The following PRKACA variants were observed in gnomAD, a reference collection of about 807,000 sequenced individuals.
PRKACA encodes the protein cAMP-dependent protein kinase catalytic subunit alpha.
A neutral mutation model predicts 45.8 loss-of-function variants in PRKACA; 9 were observed. The ratio of observed to expected loss-of-function variants is 0.20; its 90% CI spans 0.12 to 0.34. PRKACA has a LOEUF of 0.34. Among genes scored for constraint, PRKACA ranks in the 10% least tolerant of loss-of-function variants. The probability of loss-of-function intolerance (pLI) is 1.00; values close to 1 mark genes in which losing one functional copy is unlikely to be tolerated. For synonymous variants in PRKACA, 160 were observed against 178.6 expected, an observed-to-expected ratio of 0.90 and a Z score of 0.83; for missense variants, 238 against 458.6, an observed-to-expected ratio of 0.52 and a Z score of 4.39.
At position 14,117,727 on chromosome 19, in the gene PRKACA, C is replaced by G. The variant is rs962253226; in HGVS notation, c.-180G>C. Reference sequence around the variant, plus strand: ...CCGCGTCTCTCCGCGCCCGCCCGCCCGGGAACCTCAGCCCAAGATCTCTGC... The same window carrying G: ...CCGCGTCTCTCCGCGCCCGCCCGCCGGGGAACCTCAGCCCAAGATCTCTGC... On this transcript the variant is annotated 5_prime_UTR_variant, in exon 1 of 10. Transcript: ENST00000308677. 1.1e-5 allele frequency: 2 copies of G among 181,432 alleles called. No homozygotes were observed. The highest frequency in any genetic ancestry group is 1.9e-4 in the South Asian group (1 of 5,384). The allele number at this position is 181,432 out of a possible 1,614,324, so 11.2% of individuals were successfully genotyped here.
chr19:14,117,526 T>TGGCGGCGGCGGCGTTGCCCATCGC lies in PRKACA; in HGVS notation c.-3_21dup (p.Ala7_Lys8insAlaMetGlyAsnAlaAlaAlaAla). The stretch of plus-strand genomic sequence containing the variant: ...CCGCTCTCCTGCTCGCTGCCCTTCT[T>TGGCGGCGGCGGCGTTGCCCATCGC]GGCGGCGGCGGCGTTGCCCATCGCG... On this transcript the variant is annotated inframe_insertion, in exon 1 of 10. Transcript: ENST00000308677. 8.1e-7 allele frequency: 1 copy of TGGCGGCGGCGGCGTTGCCCATCGC among 1,227,808 alleles called. No individual in the cohort carries two copies. The highest frequency in any genetic ancestry group is 1.0e-6 in the Non-Finnish European group (1 of 981,448). 76.1% of individuals were successfully genotyped at this position (1,227,808 alleles called of 1,614,324 possible).
intron 4 of PRKACA, chr19:14,101,137 G>C (rs1320750839): frequency 7.6e-6 from 4 of 529,458 alleles, no homozygotes; most frequent in Non-Finnish European, 1.4e-5. Context: ...TGGCTGGAGA[G>C]AGAACTCTGT....
chr19:14,109,372 C>A (rs140319696), intron 1 of PRKACA, among the ~76,000 whole-genome samples: 1 of 151,780 alleles, frequency 6.6e-6, no homozygotes, highest in Non-Finnish European at 1.5e-5. Context: ...CGCTTCGACC[C>A]GGGAGGCAGA....
intron 3 of PRKACA, among the ~76,000 whole-genome samples, chr19:14,103,330 G>A (rs891826733): frequency 9.9e-5 from 15 of 152,138 alleles, no homozygotes; most frequent in African/African-American, 3.4e-4. Context: ...GAGGTGGGGG[G>A]TTTAGGACCT....
chr19:14,099,820 T>C (rs1046546180), intron 5 of PRKACA, among the ~76,000 whole-genome samples: 1 of 151,722 alleles, frequency 6.6e-6, no homozygotes, highest in Non-Finnish European at 1.5e-5. Context: ...TGTCCACCTA[T>C]ATAAAATAAA....
In PRKACA at chr19:14,117,548, C is replaced by CGCGGCG; in HGVS notation, c.-7_-2dup. On this transcript the variant is annotated 5_prime_UTR_variant, in exon 1 of 10. Transcript: ENST00000308677. ...TCTTGGCGGCGGCGGCGTTGCCCAT[C>CGCGGCG]GCGGCGGCGGCGGCCGGGGCCGGTC... 1.7e-6 allele frequency: 2 copies of CGCGGCG among 1,206,454 alleles called. No individual in the cohort carries two copies. The highest frequency in any genetic ancestry group is 2.1e-6 in the Non-Finnish European group (2 of 970,192). The allele number at this position is 1,206,454 out of a possible 1,614,324, so 74.7% of individuals were successfully genotyped here. A position where few individuals can be genotyped will look rare whatever the true frequency, so the allele number is the denominator to read the frequency against.
intron 1 of PRKACA, among the ~76,000 whole-genome samples, chr19:14,113,907 C>T (rs1967041854): frequency 6.6e-6 from 1 of 152,134 alleles, no homozygotes; most frequent in Non-Finnish European, 1.5e-5. Flanking sequence ...TCTGAGCTGG[C>T]CCCCTGCCGG....
rs1487960301 is a variant in PRKACA, at chr19:14,092,576, T to A, written c.*536A>T. 2.5e-6 allele frequency: 1 copy of A among 398,662 alleles called. No homozygotes were observed. The highest frequency in any genetic ancestry group is 4.4e-6 in the Non-Finnish European group (1 of 226,084). The allele number at this position is 398,662 out of a possible 1,614,324, so 24.7% of individuals were successfully genotyped here. ...AAATAAGATTTTAAATTGTTGTTTTTTTAAAAAAATTCTAGCAAGCAACCC... is the reference window on the plus strand; with the variant it reads ...AAATAAGATTTTAAATTGTTGTTTTATTAAAAAAATTCTAGCAAGCAACCC... On this transcript the variant is annotated 3_prime_UTR_variant, in exon 10 of 10. Coordinates refer to ENST00000308677, the MANE Select transcript of PRKACA (RefSeq NM_002730.4).
At position 14,117,489 on chromosome 19, in the gene PRKACA, C is replaced by T. The variant is rs1159557328; in HGVS notation, c.46+13G>A. Reference sequence around the variant, plus strand: ...CGCAGGGCCAAGATCGGGGTCACAGCCCGGGCACTCACCGCTCTCCTGCTC... The same window carrying T: ...CGCAGGGCCAAGATCGGGGTCACAGTCCGGGCACTCACCGCTCTCCTGCTC... On this transcript the variant is annotated intron_variant, in intron 1 of 9. Transcript: ENST00000308677. 2.4e-6 allele frequency: 3 copies of T among 1,251,450 alleles called. No homozygotes were observed. The highest frequency in any genetic ancestry group is 3.0e-6 in the Non-Finnish European group (3 of 993,320). 77.5% of individuals were successfully genotyped at this position (1,251,450 alleles called of 1,614,324 possible).
chr19:14,108,689 C>T (rs1977685701), intron 1 of PRKACA, among the ~76,000 whole-genome samples: 3 of 151,754 alleles, frequency 2.0e-5, no homozygotes, highest in East Asian at 1.9e-4. Context: ...GGATTACAGG[C>T]GTGAGCCACC....
intron 2 of PRKACA, among the ~76,000 whole-genome samples, 155 bp from the exon 3 acceptor site, chr19:14,107,043 G>A (rs994365497): frequency 2.0e-5 from 3 of 152,124 alleles, no homozygotes; most frequent in African/African-American, 7.2e-5. Flanking sequence ...CAAGATGGCA[G>A]AGGGCACATT....
chr19:14,114,692 T>G lies in PRKACA; in HGVS notation c.46+2810A>C, dbSNP rs1403601902. The stretch of plus-strand genomic sequence containing the variant: ...CCCTGGGGCCGCTGCTCCCTCTCCA[T>G]TCTTCCAACTTGGCCAGAGCCTGGG... On this transcript the variant is annotated intron_variant, in intron 1 of 9. Transcript: ENST00000308677. Among the ~76,000 whole-genome samples, 5 of 152,098 alleles carry G rather than the reference T, an allele frequency of 3.3e-5. No homozygotes were observed. The East Asian group carries it at 7.7e-4, about 24-fold the overall frequency.
At chr19:14,117,205 G>A (rs953871695) in intron 1 of PRKACA, among the ~76,000 whole-genome samples, 1 of 150,598 alleles carries the variant, frequency 6.6e-6, no homozygotes, top group African/African-American at 2.4e-5. Context: ...AAAGGAGGGG[G>A]TAGGCTGGTG....
At chr19:14,115,461 ACATCAT>A (rs1250374365) in intron 1 of PRKACA, among the ~76,000 whole-genome samples, 1 of 152,166 alleles carries the variant, frequency 6.6e-6, no homozygotes, top group Non-Finnish European at 1.5e-5. Flanking sequence ...TGCCTCTGTG[ACATCAT>A]CTATGTCATG....
intron 1 of PRKACA, chr19:14,107,787 T>C: frequency 9.9e-7 from 1 of 1,009,048 alleles, no homozygotes; most frequent in South Asian, 4.2e-5. Context: ...TGGCCCCTTC[T>C]CTGGGGAGGC....
At chr19:14,098,132 CA>C (rs2145750508) in intron 5 of PRKACA, 1 of 476,856 alleles carries the variant, frequency 2.1e-6, no homozygotes, top group East Asian at 3.5e-5. Flanking sequence ...CCACCGCCAA[CA>C]GGACAGCCCA....
intron 4 of PRKACA, 49 bp downstream of exon 4, chr19:14,102,767 G>C: frequency 6.6e-7 from 1 of 1,504,304 alleles, no homozygotes; most frequent in South Asian, 1.1e-5. Flanking sequence ...GGGCCAGAAG[G>C]CTGGGACCCA....
chr19:14,107,062 C>T (rs959074800), intron 2 of PRKACA, among the ~76,000 whole-genome samples, 174 bp from the exon 3 acceptor site: 6 of 136,280 alleles, frequency 4.4e-5, no homozygotes, highest in Admixed American at 2.4e-4. Flanking sequence ...TTCCTTAAGG[C>T]GGGTGGCAGG....
At position 14,097,105 on chromosome 19, in the gene PRKACA, T is replaced by C; in HGVS notation, c.765+256A>G. The C allele has an allele frequency of 1.9e-6, 1 of 516,338 alleles. No individual in the cohort carries two copies. The highest frequency in any genetic ancestry group is 2.0e-5 in the South Asian group (1 of 49,648). 32.0% of individuals were successfully genotyped at this position (516,338 alleles called of 1,614,324 possible). ...TCGTCTGGCAGGGCGGTTTGTGTTCTGTGGCCAAGATGTTCCCGTGAGGCT... is the reference window on the plus strand; with the variant it reads ...TCGTCTGGCAGGGCGGTTTGTGTTCCGTGGCCAAGATGTTCCCGTGAGGCT... On this transcript the variant is annotated intron_variant, in intron 8 of 9. Coordinates refer to ENST00000308677, the MANE Select transcript of PRKACA (RefSeq NM_002730.4). The surrounding 1 kb of genome is among the most constrained non-coding windows in gnomAD (Gnocchi z 5.4).
Sources: gnomAD v4.1 joint callset for allele counts (sites outside exome capture counted in the v4.1 genomes callset) on GRCh38, gnomAD v4.1.1 for gene constraint, Gnocchi (gnomAD v3.1) non-coding constraint, MANE v1.5 for transcripts, NCBI Gene and HGNC (gene_info 2026-07-23, HGNC 2026-07-21) for gene names.